Variants in SPIDR observed in about 807,000 individuals in gnomAD.
The protein encoded by SPIDR is DNA repair-scaffolding protein.
Under a neutral mutation model 104.6 loss-of-function variants are expected in SPIDR, and 93 were observed. The ratio of observed to expected loss-of-function variants is 0.89; its 90% confidence interval spans 0.75 to 1.06. The LOEUF (loss-of-function observed/expected upper bound fraction) is 1.06. Among genes scored for constraint, SPIDR ranks in the 50% least tolerant of loss-of-function variants. The pLI is 0.00. For synonymous variants in SPIDR, 431 were observed against 416.9 expected, an observed-to-expected ratio of 1.03 and a Z score of -0.41; for missense variants, 1,154 against 1,111.2, an observed-to-expected ratio of 1.04 and a Z score of -0.55.
At chr8:47,481,604 C>G (rs1488052916) in intron 8 of SPIDR, among the ~76,000 whole-genome samples, 1 of 152,214 alleles carries the variant, frequency 6.6e-6, no homozygotes, top group Non-Finnish European at 1.5e-5. Context: ...TTGCTTACCA[C>G]TGTATTTCTG....
At chr8:47,647,117 C>T (rs1012864187) in intron 10 of SPIDR, among the ~76,000 whole-genome samples, 2 of 152,106 alleles carry the variant, frequency 1.3e-5, no homozygotes, top group Admixed American at 6.5e-5. Flanking sequence ...TAATGTTAAG[C>T]AACTGTGTAA....
chr8:47,700,952 G>C (rs747018752), intron 12 of SPIDR, among the ~76,000 whole-genome samples: 3 of 152,058 alleles, frequency 2.0e-5, no homozygotes, highest in Non-Finnish European at 4.4e-5. Context: ...GCTTGTTTAT[G>C]AGAGTGTCTC....
intron 8 of SPIDR, among the ~76,000 whole-genome samples, chr8:47,593,048 A>G (rs1371197046): frequency 6.6e-6 from 1 of 151,800 alleles, no homozygotes; most frequent in Non-Finnish European, 1.5e-5. Context: ...CACCACGCCC[A>G]GCTAATTATG....
At chr8:47,576,663 A>T (rs1481838421) in intron 8 of SPIDR, among the ~76,000 whole-genome samples, 1 of 151,786 alleles carries the variant, frequency 6.6e-6, no homozygotes, top group African/African-American at 2.4e-5. Flanking sequence ...CAAACTCCTG[A>T]CCTCAGATGA....
intron 8 of SPIDR, among the ~76,000 whole-genome samples, chr8:47,491,436 A>G (rs782648885): frequency 1.9e-4 from 29 of 152,228 alleles, no homozygotes; most frequent in Middle Eastern, 3.4e-3. Context: ...GTGGTTCAGC[A>G]ATATAATAAT....
At chr8:47,643,089 A>C (rs954477456) in intron 10 of SPIDR, among the ~76,000 whole-genome samples, 5 of 152,224 alleles carry the variant, frequency 3.3e-5, no homozygotes, top group African/African-American at 1.2e-4. Flanking sequence ...CATTGTTAGT[A>C]TATTTAGTCT....
intron 5 of SPIDR, among the ~76,000 whole-genome samples, chr8:47,344,987 T>G (rs1458377713): frequency 2.0e-5 from 3 of 152,252 alleles, no homozygotes; most frequent in Non-Finnish European, 4.4e-5. Flanking sequence ...TTTGTCAATT[T>G]TGGCTTTTGT....
chr8:47,313,605 G>A (rs1554587225), intron 5 of SPIDR, among the ~76,000 whole-genome samples: 1 of 152,196 alleles, frequency 6.6e-6, no homozygotes, highest in African/African-American at 2.4e-5. Context: ...GCATTGCCGA[G>A]TCAATCCTAA....
In SPIDR at chr8:47,314,507, G is replaced by A. The variant is rs148916578; in HGVS notation, c.525+20477G>A. Among the ~76,000 whole-genome samples the A allele has an allele frequency of 7.4e-3, 1,121 of 152,256 alleles. 3 individuals are homozygous for A. The highest frequency in any genetic ancestry group is 0.02 in the Middle Eastern group (6 of 294). Reference sequence around the variant, plus strand: ...GGAAACTTACAATCATGGAGGAAGGGGAAGCAAACATGTCCTTCACAGGGT... The same window carrying A: ...GGAAACTTACAATCATGGAGGAAGGAGAAGCAAACATGTCCTTCACAGGGT... On this transcript the variant is annotated intron_variant, in intron 5 of 19. Transcript: ENST00000297423.
chr8:47,413,119 TG>T (rs1554672967), intron 7 of SPIDR, among the ~76,000 whole-genome samples: 2 of 152,244 alleles, frequency 1.3e-5, no homozygotes, highest in African/African-American at 4.8e-5. Flanking sequence ...TGGGTTGTGG[TG>T]GATGGTGAAC....
At chr8:47,344,674 G>T (rs543898754) in intron 5 of SPIDR, among the ~76,000 whole-genome samples, 2 of 152,204 alleles carry the variant, frequency 1.3e-5, no homozygotes, top group Non-Finnish European at 2.9e-5. Flanking sequence ...ACTGGTGTGA[G>T]ATGGTATCTC....
intron 8 of SPIDR, among the ~76,000 whole-genome samples, chr8:47,564,938 G>A (rs1458018053): frequency 6.6e-6 from 1 of 151,890 alleles, no homozygotes; most frequent in Non-Finnish European, 1.5e-5. Flanking sequence ...TAGGCTTATT[G>A]CCTTTGTGTA....
At chr8:47,400,737 G>A (rs1588193752) in intron 6 of SPIDR, among the ~76,000 whole-genome samples, 1 of 148,948 alleles carries the variant, frequency 6.7e-6, no homozygotes, top group East Asian at 2.0e-4. Flanking sequence ...AAACACCAAT[G>A]CAAAATTGTT....
intron 8 of SPIDR, among the ~76,000 whole-genome samples, chr8:47,533,053 A>G (rs924408522): frequency 1.3e-5 from 2 of 152,342 alleles, no homozygotes; most frequent in African/African-American, 4.8e-5. Flanking sequence ...CAAAGTGAAA[A>G]TGAAAATACA....
chr8:47,583,203 G>A (rs2059912666), intron 8 of SPIDR, among the ~76,000 whole-genome samples: 1 of 151,808 alleles, frequency 6.6e-6, no homozygotes, highest in African/African-American at 2.4e-5. Flanking sequence ...CTACTTGGGA[G>A]GCTGAGGCAG....
At chr8:47,587,480 C>T (rs1024154103) in intron 8 of SPIDR, among the ~76,000 whole-genome samples, 2 of 151,884 alleles carry the variant, frequency 1.3e-5, no homozygotes, top group African/African-American at 4.8e-5. Flanking sequence ...TGGTGGCGCA[C>T]CTGCAGTCCC....
intron 8 of SPIDR, among the ~76,000 whole-genome samples, chr8:47,479,356 C>CA (rs1186481801): frequency 0.011 from 1,011 of 91,862 alleles, 3 homozygotes; most frequent in South Asian, 0.026. Flanking sequence ...GAGACTCTCT[C>CA]AAAAAAAAAA....
intron 14 of SPIDR, among the ~76,000 whole-genome samples, chr8:47,706,257 GTGGCAGGCGCCTGTAGTCCCAGCTACT>G (rs1235712711): frequency 3.9e-5 from 6 of 152,150 alleles, no homozygotes; most frequent in African/African-American, 1.4e-4. Flanking sequence ...GCCGGGCGTG[GTGGCAGGCGCCTGTAGTCCCAGCTACT>G]TGGGAGGCTG....
intron 7 of SPIDR, among the ~76,000 whole-genome samples, chr8:47,410,377 C>T (rs185711158): frequency 0.011 from 1,611 of 151,874 alleles, 11 homozygotes; most frequent in Non-Finnish European, 0.016. Flanking sequence ...GATGGGGTTT[C>T]GCCATGCTGG....
Sources: allele counts gnomAD v4.1 joint callset (sites outside exome capture counted in the v4.1 genomes callset), GRCh38; gene constraint gnomAD v4.1.1; transcripts MANE v1.5; gene names NCBI Gene and HGNC (gene_info 2026-07-23, HGNC 2026-07-21).